Variants in NEGR1 observed in about 807,000 individuals in gnomAD.
NEGR1 encodes neuronal growth regulator 1.
Under a neutral mutation model 40.9 loss-of-function variants are expected in NEGR1, and 10 were observed. That is an observed-to-expected ratio of 0.24 (90% CI 0.15 to 0.42). The LOEUF (loss-of-function observed/expected upper bound fraction) is 0.42, where lower values mean the gene tolerates loss of function less well. Among genes scored for constraint, NEGR1 ranks in the 10% least tolerant of loss-of-function variants. The pLI, the probability that NEGR1 is intolerant of heterozygous loss-of-function variation, is 1.00. For synonymous variants in NEGR1, 185 were observed against 166.8 expected (o/e 1.11, Z -0.84); for missense variants, 352 against 438.9 (o/e 0.80, Z 1.77).
chr1:71,425,009 T>C (rs1420047285), intron 6 of NEGR1, among the ~76,000 whole-genome samples: 1 of 152,012 alleles, frequency 6.6e-6, no homozygotes. Context: ...AATTGTTTCA[T>C]AGCAATAGAA....
At chr1:72,089,745 T>C (rs1648387096) in intron 1 of NEGR1, among the ~76,000 whole-genome samples, 1 of 152,116 alleles carries the variant, frequency 6.6e-6, no homozygotes, top group African/African-American at 2.4e-5. Context: ...AGCCTATGTC[T>C]ACTTGGGGCA....
chr1:71,921,930 G>A lies in NEGR1; in HGVS notation c.409+13149C>T, dbSNP rs138686813. On this transcript the variant is annotated intron_variant, in intron 2 of 6. Coordinates refer to ENST00000357731, the MANE Select transcript of NEGR1 (RefSeq NM_173808.3). Reference sequence around the variant, plus strand: ...TCCCTAACCCTCATGTTGTTCAAGCGTCAACTGTATTTCAAAAAAAGGATG... The same window carrying A: ...TCCCTAACCCTCATGTTGTTCAAGCATCAACTGTATTTCAAAAAAAGGATG... Among the ~76,000 whole-genome samples, 39 of 151,866 alleles carry A rather than the reference G, an allele frequency of 2.6e-4. No individual in the cohort carries two copies. In the East Asian group the frequency reaches 5.1e-3, roughly 20 times the overall value.
intron 1 of NEGR1, among the ~76,000 whole-genome samples, chr1:72,205,827 T>C (rs1653378971): frequency 6.8e-6 from 1 of 147,380 alleles, no homozygotes; most frequent in African/African-American, 2.5e-5. Flanking sequence ...CTGGTAGGCC[T>C]GGCTACTCAG....
intron 6 of NEGR1, among the ~76,000 whole-genome samples, chr1:71,570,184 A>C (rs1158866154): frequency 6.6e-6 from 1 of 152,164 alleles, no homozygotes; most frequent in Non-Finnish European, 1.5e-5. Context: ...TCATTTAATA[A>C]ATTTTTATGT....
At chr1:72,162,676 AAT>A (rs964821219) in intron 1 of NEGR1, among the ~76,000 whole-genome samples, 2 of 152,120 alleles carry the variant, frequency 1.3e-5, no homozygotes, top group African/African-American at 4.8e-5. Context: ...GGTTATTGAA[AAT>A]ACATGAAACA....
intron 3 of NEGR1, among the ~76,000 whole-genome samples, chr1:71,720,965 C>A (rs929115675): frequency 6.6e-6 from 1 of 152,106 alleles, no homozygotes; most frequent in African/African-American, 2.4e-5. Flanking sequence ...GTCAGCACTG[C>A]AATATCCTTT....
chr1:72,046,536 C>T (rs1281468501), intron 1 of NEGR1, among the ~76,000 whole-genome samples: 2 of 151,652 alleles, frequency 1.3e-5, no homozygotes, highest in African/African-American at 4.8e-5. Flanking sequence ...AGCAACAGAT[C>T]TATGTTAGAA....
At chr1:71,522,756 C>CAT (rs397803250) in intron 6 of NEGR1, among the ~76,000 whole-genome samples, 4 of 149,312 alleles carry the variant, frequency 2.7e-5, no homozygotes, top group Admixed American at 6.7e-5. Context: ...CACACACACA[C>CAT]GCACAATACT....
intron 6 of NEGR1, among the ~76,000 whole-genome samples, chr1:71,589,062 A>G (rs1649409957): frequency 6.6e-6 from 1 of 152,128 alleles, no homozygotes; most frequent in Admixed American, 6.6e-5. Context: ...ATCCACAGAA[A>G]TCTGGCTTCT....
intron 2 of NEGR1, among the ~76,000 whole-genome samples, chr1:71,777,853 T>A (rs1415849154): frequency 2.0e-5 from 3 of 152,058 alleles, no homozygotes; most frequent in East Asian, 3.9e-4. Context: ...TACACCACTG[T>A]AACTGTTTCC....
chr1:72,134,579 A>AT (rs1650379337), intron 1 of NEGR1, among the ~76,000 whole-genome samples: 1 of 151,650 alleles, frequency 6.6e-6, no homozygotes, highest in South Asian at 2.1e-4. Context: ...TGGCAATTTC[A>AT]TGCCTAAACC....
At chr1:71,477,413 T>C (rs570479690) in intron 6 of NEGR1, 6 of 152,210 alleles carry the variant, frequency 3.9e-5, no homozygotes, top group Non-Finnish European at 5.9e-5. Context: ...TTTGGTGACA[T>C]TGCATTAATT....
chr1:72,155,424 T>A (rs1651321513), intron 1 of NEGR1, among the ~76,000 whole-genome samples: 1 of 152,028 alleles, frequency 6.6e-6, no homozygotes, highest in South Asian at 2.1e-4. Context: ...CAGATTTCAA[T>A]TTTGAAATAA....
At chr1:71,457,910 G>A (rs915675652) in intron 6 of NEGR1, among the ~76,000 whole-genome samples, 1 of 152,042 alleles carries the variant, frequency 6.6e-6, no homozygotes, top group Non-Finnish European at 1.5e-5. Flanking sequence ...CACTGTGTTA[G>A]CCAGGATGGT....
intron 4 of NEGR1, among the ~76,000 whole-genome samples, chr1:71,671,602 T>A (rs1652433464): frequency 6.6e-6 from 1 of 152,168 alleles, no homozygotes; most frequent in Non-Finnish European, 1.5e-5. Context: ...CTTGCCAAGT[T>A]CATCACAATC....
At chr1:71,790,745 T>C (rs1412017787) in intron 2 of NEGR1, among the ~76,000 whole-genome samples, 1 of 152,128 alleles carries the variant, frequency 6.6e-6, no homozygotes, top group Non-Finnish European at 1.5e-5. Context: ...GAAATGGGAT[T>C]ACTACACTGA....
At chr1:71,695,700 A>C (rs12140971) in intron 4 of NEGR1, among the ~76,000 whole-genome samples, 47,267 of 151,590 alleles carry the variant, frequency 0.31, 9,009 homozygotes, top group East Asian at 0.47. Flanking sequence ...AGAATTCTGC[A>C]TGGGTCTTTC....
intron 1 of NEGR1, among the ~76,000 whole-genome samples, chr1:72,093,906 G>A (rs1176103632): frequency 1.3e-5 from 2 of 152,124 alleles, no homozygotes; most frequent in African/African-American, 2.4e-5. Flanking sequence ...AAACAGATAG[G>A]AAATCACAGA....
intron 6 of NEGR1, among the ~76,000 whole-genome samples, chr1:71,529,864 A>C (rs1027015744): frequency 6.6e-5 from 10 of 151,166 alleles, no homozygotes; most frequent in African/African-American, 2.2e-4. Flanking sequence ...CTTATTATGT[A>C]CTATATTTCA....
Sources: gnomAD v4.1 joint callset for allele counts (sites outside exome capture counted in the v4.1 genomes callset) on GRCh38, gnomAD v4.1.1 for gene constraint, MANE v1.5 for transcripts, NCBI Gene and HGNC (gene_info 2026-07-23, HGNC 2026-07-21) for gene names.